CLYBL: variants seen among roughly 807,000 people sequenced by gnomAD.
The protein encoded by CLYBL is citramalyl-CoA lyase, mitochondrial.
In CLYBL, 31 loss-of-function variants were observed where a neutral mutation model predicts 38.9. The observed-to-expected ratio is 0.80, with a 90% CI of 0.60 to 1.08. The LOEUF (loss-of-function observed/expected upper bound fraction) is 1.08. Among genes scored for constraint, CLYBL ranks in the 50% least tolerant of loss-of-function variants. The pLI is 0.00. For missense variants in CLYBL, 434 were observed against 411.6 expected, an observed-to-expected ratio of 1.05 and a Z score of -0.47; for synonymous variants, 171 against 158.6, an observed-to-expected ratio of 1.08 and a Z score of -0.59.
chr13:99,647,697 C>T (rs371341864), intron 1 of CLYBL, among the ~76,000 whole-genome samples: 38 of 152,258 alleles, frequency 2.5e-4, no homozygotes, highest in African/African-American at 7.5e-4. Flanking sequence ...TAAGTCCTCT[C>T]GAAGCTGAGA....
At chr13:99,635,094 T>C (rs979297720) in intron 1 of CLYBL, among the ~76,000 whole-genome samples, 1 of 152,072 alleles carries the variant, frequency 6.6e-6, no homozygotes, top group African/African-American at 2.4e-5. Context: ...TGGGTTCCCA[T>C]CTCGGGTGAT....
chr13:99,780,441 C>T (rs1242334613), intron 2 of CLYBL, among the ~76,000 whole-genome samples: 1 of 152,038 alleles, frequency 6.6e-6, no homozygotes, highest in Non-Finnish European at 1.5e-5. Flanking sequence ...AGTGCAGTGG[C>T]ATGATCTCGG....
chr13:99,800,554 G>A (rs2050111338), intron 2 of CLYBL, among the ~76,000 whole-genome samples: 2 of 152,166 alleles, frequency 1.3e-5, no homozygotes, highest in African/African-American at 4.8e-5. Context: ...GCTCACCTGA[G>A]CCAATACAAT....
intron 2 of CLYBL, among the ~76,000 whole-genome samples, chr13:99,819,366 A>G (rs997196649): frequency 2.6e-4 from 36 of 140,394 alleles, no homozygotes; most frequent in African/African-American, 9.4e-4. Flanking sequence ...ATAGACCCTC[A>G]GTCACCTACT....
chr13:99,677,304 C>T (rs901564580), intron 1 of CLYBL, among the ~76,000 whole-genome samples: 2 of 151,678 alleles, frequency 1.3e-5, no homozygotes, highest in Non-Finnish European at 2.9e-5. Flanking sequence ...ATGCCAGAAA[C>T]GGCAGCCAAA....
chr13:99,686,270 A>G (rs1267560264), intron 1 of CLYBL, among the ~76,000 whole-genome samples: 2 of 152,156 alleles, frequency 1.3e-5, no homozygotes, highest in Non-Finnish European at 2.9e-5. Flanking sequence ...CATTTGGACT[A>G]TGCTCCTAGA....
At chr13:99,614,520 G>A (rs2046677652) in intron 1 of CLYBL, among the ~76,000 whole-genome samples, 1 of 152,084 alleles carries the variant, frequency 6.6e-6, no homozygotes, top group Non-Finnish European at 1.5e-5. Context: ...GCAAGAACTG[G>A]CTGTGGTGGC....
In CLYBL at chr13:99,606,750, C is replaced by G; in HGVS notation, c.55C>G (p.Leu19Val). Residue 19 changes from leucine to valine, a missense_variant, in exon 1 of 9, where the codon CTG (leucine) becomes GTG (valine). Leu to Val is a conservative substitution (Grantham distance 32). Transcript: ENST00000339105. The stretch of plus-strand genomic sequence containing the variant: ...GCGCGGAGCTGCGGCGGCGGCGCTG[C>G]TGAGGCTGTGAGTGCAGGTCCCCGT... ...AARGAAAAAL[L>V]RLKASLAADI... 8 of 1,481,674 alleles carry G rather than the reference C, an allele frequency of 5.4e-6. No individual in the cohort carries two copies. The highest frequency in any genetic ancestry group is 7.1e-6 in the Non-Finnish European group (8 of 1,121,474). 91.8% of individuals were successfully genotyped at this position (1,481,674 alleles called of 1,614,324 possible).
chr13:99,676,194 T>TTCCTTCCG (rs2047644955), intron 1 of CLYBL, among the ~76,000 whole-genome samples: 1 of 58,408 alleles, frequency 1.7e-5, no homozygotes. Context: ...CCGTCCTTCC[T>TTCCTTCCG]TCCTTCCTTC....
intron 2 of CLYBL, among the ~76,000 whole-genome samples, chr13:99,858,191 G>C (rs1325513117): frequency 6.6e-6 from 1 of 152,146 alleles, no homozygotes; most frequent in Non-Finnish European, 1.5e-5. Flanking sequence ...GTGGAGCAAA[G>C]CCTGTCAAGT....
intron 7 of CLYBL, among the ~76,000 whole-genome samples, chr13:99,874,450 T>C (rs574718709): frequency 6.6e-6 from 1 of 152,194 alleles, no homozygotes; most frequent in Non-Finnish European, 1.5e-5. Flanking sequence ...TGTCTTTTTT[T>C]ATAATAATGG....
chr13:99,617,472 C>T (rs2046729179), intron 1 of CLYBL, among the ~76,000 whole-genome samples: 1 of 152,140 alleles, frequency 6.6e-6, no homozygotes, highest in African/African-American at 2.4e-5. Context: ...GGTTGATATG[C>T]CCACATTATT....
intron 3 of CLYBL, among the ~76,000 whole-genome samples, chr13:99,862,328 A>C (rs2051623603): frequency 6.6e-6 from 1 of 152,146 alleles, no homozygotes; most frequent in Non-Finnish European, 1.5e-5. Context: ...GAATCTGGGC[A>C]AGAGCTTTTG....
intron 9 of CLYBL, among the ~76,000 whole-genome samples, chr13:99,906,540 C>T (rs1454647112): frequency 6.6e-6 from 1 of 152,052 alleles, no homozygotes; most frequent in East Asian, 1.9e-4. Flanking sequence ...TCTCCTGTCT[C>T]AGCCTCCTGA....
intron 1 of CLYBL, among the ~76,000 whole-genome samples, chr13:99,669,224 G>A (rs1016500511): frequency 7.2e-5 from 11 of 152,130 alleles, no homozygotes; most frequent in Non-Finnish European, 1.2e-4. Flanking sequence ...GGATGCTCTC[G>A]AGCTCTCAAC....
chr13:99,708,282 G>A (rs1219388886), intron 1 of CLYBL, among the ~76,000 whole-genome samples: 1 of 152,164 alleles, frequency 6.6e-6, no homozygotes, highest in Admixed American at 6.5e-5. Context: ...CACCCGGCCT[G>A]ATGCTGGGTG....
At chr13:99,857,669 T>G (rs1299987704) in intron 2 of CLYBL, among the ~76,000 whole-genome samples, 1 of 152,224 alleles carries the variant, frequency 6.6e-6, no homozygotes, top group Non-Finnish European at 1.5e-5. Context: ...GACCCACATC[T>G]GTCTGGTTTA....
At position 99,883,742 on chromosome 13, in the gene CLYBL, A is replaced by T. The variant is rs78316228; in HGVS notation, c.928-7576A>T. The stretch of plus-strand genomic sequence containing the variant: ...GAGACACAAGGCTCCTGCAGAGCAA[A>T]GAAAACCGACTCCATGCACACTTCT... On this transcript the variant is annotated intron_variant, in intron 7 of 8. Coordinates refer to ENST00000339105, the MANE Select transcript of CLYBL (RefSeq NM_206808.5). Among the ~76,000 whole-genome samples the T allele has an allele frequency of 6.9e-3, 1,047 of 152,152 alleles. 17 individuals carry two copies. The highest frequency in any genetic ancestry group is 0.024 in the African/African-American group (1,014 of 41,520).
chr13:99,860,268 C>A (rs956883161), intron 3 of CLYBL, among the ~76,000 whole-genome samples: 1 of 152,116 alleles, frequency 6.6e-6, no homozygotes, highest in African/African-American at 2.4e-5. Context: ...GGGCTAAATA[C>A]AAGATACTAT....
Sources: allele counts gnomAD v4.1 joint callset (sites outside exome capture counted in the v4.1 genomes callset), GRCh38; gene constraint gnomAD v4.1.1; transcripts MANE v1.5; gene names NCBI Gene and HGNC (gene_info 2026-07-23, HGNC 2026-07-21).